The following LRRC8B variants were observed in gnomAD, a reference collection of about 807,000 sequenced individuals.
LRRC8B encodes the protein leucine rich repeat containing 8 VRAC subunit B, also known as volume-regulated anion channel subunit LRRC8B.
In LRRC8B, 23 loss-of-function variants were observed where a neutral mutation model predicts 58.8. The ratio of observed to expected loss-of-function variants is 0.39; its 90% CI spans 0.28 to 0.55. LRRC8B has a LOEUF of 0.55. LRRC8B is among the 20% of genes least tolerant of loss of function. The pLI, the probability that LRRC8B is intolerant of heterozygous loss-of-function variation, is 0.62. For missense variants in LRRC8B, 694 were observed against 936.0 expected (o/e 0.74, Z 3.37); for synonymous variants, 359 against 374.1 (o/e 0.96, Z 0.47).
At chr1:89,587,025 G>T (rs1379785861) in intron 5 of LRRC8B, among the ~76,000 whole-genome samples, 2 of 152,154 alleles carry the variant, frequency 1.3e-5, no homozygotes, top group Non-Finnish European at 2.9e-5. Flanking sequence ...AACAAAACTT[G>T]CTGGGAATAG....
Position 89,593,070 on chromosome 1 carries a change from A to C in LRRC8B, c.*27A>C. 6.2e-7 allele frequency: 1 copy of C among 1,602,978 alleles called. No individual in the cohort carries two copies. The highest frequency in any genetic ancestry group is 8.5e-7 in the Non-Finnish European group (1 of 1,172,530). On this transcript the variant is annotated 3_prime_UTR_variant, in exon 6 of 6. Transcript: ENST00000330947. ...TTAAAGAAAAGAGACCCGTGTTTCA[A>C]AATCATTTTTAAAAGTATGCTCGGC...
chr1:89,579,747 A>G (rs1326856987), intron 4 of LRRC8B, 59 bp downstream of exon 4: 3 of 152,600 alleles, frequency 2.0e-5, no homozygotes, highest in East Asian at 1.9e-4. Flanking sequence ...TTTTTATTGA[A>G]TAAATATTCA....
chr1:89,572,941 A>G (rs966154593), intron 3 of LRRC8B, among the ~76,000 whole-genome samples: 6 of 152,350 alleles, frequency 3.9e-5, no homozygotes, highest in Admixed American at 2.6e-4. Context: ...TACATTAAAT[A>G]TATGATGTAT....
chr1:89,549,990 T>A (rs1352874491), intron 1 of LRRC8B: 1 of 152,132 alleles, frequency 6.6e-6, no homozygotes, highest in African/African-American at 2.4e-5. Flanking sequence ...AACTCAGTGT[T>A]TTAAATAACA....
intron 1 of LRRC8B, among the ~76,000 whole-genome samples, chr1:89,529,238 T>C (rs1036031191): frequency 6.6e-6 from 1 of 152,206 alleles, no homozygotes; most frequent in African/African-American, 2.4e-5. Flanking sequence ...AATTGTCTAG[T>C]TTCCCTGCTA....
In LRRC8B at chr1:89,555,183, T is replaced by C. The variant is rs551753011; in HGVS notation, c.-240-13064T>C. On this transcript the variant is annotated intron_variant, in intron 1 of 5. Transcript: ENST00000330947. ...CCTTTTTTGGAATGTAGGCATTCTA[T>C]GTGATTCATATTAGTTATTTGTGCG... 1.4e-4 allele frequency among the ~76,000 whole-genome samples: 21 copies of C among 152,294 alleles called. No individual in the cohort carries two copies. In the East Asian group the frequency reaches 3.9e-3, roughly 28 times the overall value.
Position 89,593,440 on chromosome 1 carries a change from G to A in LRRC8B, c.*397G>A, listed in dbSNP as rs557450805. The A allele has an allele frequency of 6.2e-6, 1 of 160,402 alleles. No individual in the cohort carries two copies. Among genetic ancestry groups the A allele is most frequent in the African/African-American group, 2.4e-5 (1 of 41,148 alleles). 9.9% of individuals were successfully genotyped at this position (160,402 alleles called of 1,614,324 possible). A position where few individuals can be genotyped will look rare whatever the true frequency, so the allele number is the denominator to read the frequency against. On this transcript the variant is annotated 3_prime_UTR_variant, in exon 6 of 6. Transcript: ENST00000330947. ...AAGTAAAATTTTCTAAGTTAATAAA[G>A]ATGAAGAATGGGTGACTATTATGAT...
intron 1 of LRRC8B, chr1:89,559,109 C>T (rs1652412653): frequency 6.6e-6 from 1 of 152,094 alleles, no homozygotes; most frequent in East Asian, 1.9e-4. Flanking sequence ...TTCCACACAT[C>T]TCGGTATATA....
chr1:89,560,095 T>A (rs1028079063), intron 1 of LRRC8B, among the ~76,000 whole-genome samples: 1 of 152,218 alleles, frequency 6.6e-6, no homozygotes, highest in African/African-American at 2.4e-5. Context: ...TAAGGAAAAT[T>A]AGATTACGTG....
chr1:89,529,208 C>T (rs1182735408), intron 1 of LRRC8B, among the ~76,000 whole-genome samples: 1 of 152,048 alleles, frequency 6.6e-6, no homozygotes, highest in Non-Finnish European at 1.5e-5. Context: ...GTTTATATTC[C>T]TCCTTACTTC....
At chr1:89,574,578 C>A (rs951902874) in intron 3 of LRRC8B, among the ~76,000 whole-genome samples, 1 of 152,090 alleles carries the variant, frequency 6.6e-6, no homozygotes, top group Non-Finnish European at 1.5e-5. Context: ...CTGAGTGACC[C>A]CTTTAACTCC....
intron 1 of LRRC8B, among the ~76,000 whole-genome samples, chr1:89,530,858 C>T (rs1650075160): frequency 2.0e-5 from 3 of 152,036 alleles, no homozygotes; most frequent in Non-Finnish European, 2.9e-5. Flanking sequence ...TGGGAGGTGC[C>T]GTTTCTCCTT....
chr1:89,557,412 G>C (rs4658280), intron 1 of LRRC8B, among the ~76,000 whole-genome samples: 64,203 of 151,936 alleles, frequency 0.42, 14,410 homozygotes, highest in South Asian at 0.55. Context: ...AAAGAATTAG[G>C]TTTCTTTATA....
At chr1:89,572,118 A>G (rs1306810303) in intron 3 of LRRC8B, among the ~76,000 whole-genome samples, 1 of 152,174 alleles carries the variant, frequency 6.6e-6, no homozygotes, top group Admixed American at 6.5e-5. Flanking sequence ...TTGGCCAGAT[A>G]TGAAATTCTG....
At chr1:89,575,160 G>A (rs1393940502) in intron 3 of LRRC8B, among the ~76,000 whole-genome samples, 1 of 152,174 alleles carries the variant, frequency 6.6e-6, no homozygotes, top group Non-Finnish European at 1.5e-5. Flanking sequence ...GGTGGACTAA[G>A]CATGGCTGCA....
chr1:89,534,643 T>A (rs913033349), intron 1 of LRRC8B, among the ~76,000 whole-genome samples: 1 of 152,234 alleles, frequency 6.6e-6, no homozygotes, highest in African/African-American at 2.4e-5. Flanking sequence ...AGTACACGAT[T>A]GACCAGAACA....
At chr1:89,545,594 T>C (rs1052726423) in intron 1 of LRRC8B, among the ~76,000 whole-genome samples, 1 of 152,228 alleles carries the variant, frequency 6.6e-6, no homozygotes, top group Non-Finnish European at 1.5e-5. Flanking sequence ...GTGTCAAATT[T>C]TAATAAACTC....
In LRRC8B at chr1:89,586,213, G is replaced by A. The variant is rs149019991; in HGVS notation, c.2139+1424G>A. 2.6e-3 allele frequency among the ~76,000 whole-genome samples: 389 copies of A among 152,308 alleles called. 4 individuals are homozygous for A. The highest frequency in any genetic ancestry group is 8.8e-3 in the African/African-American group (364 of 41,570). On this transcript the variant is annotated intron_variant, in intron 5 of 5. Coordinates refer to ENST00000330947, the MANE Select transcript of LRRC8B (RefSeq NM_001369817.2). ...GGGTTTCCGATTCAGTAGGCCAGACGTAGGACCCAAGAGTTTGCATTTCTA... is the reference window on the plus strand; with the variant it reads ...GGGTTTCCGATTCAGTAGGCCAGACATAGGACCCAAGAGTTTGCATTTCTA...
In LRRC8B at chr1:89,593,377, CA is replaced by C. The variant is rs200997401; in HGVS notation, c.*350del. ...GGGTGACAGAGCAAGACTCTTATCT[CA>C]AAAAAAAAAAAAAAATGCTCCAGGG... On this transcript the variant is annotated 3_prime_UTR_variant, in exon 6 of 6. Transcript: ENST00000330947. 59,270 of 135,324 alleles carry C rather than the reference CA, an allele frequency of 0.44. 11,151 individuals carry two copies. Among genetic ancestry groups the C allele is most frequent in the East Asian group, 0.6 (2,938 of 4,922 alleles). The allele number at this position is 135,324 out of a possible 1,614,324, so 8.4% of individuals were successfully genotyped here.
Sources: gnomAD v4.1 joint callset for allele counts (sites outside exome capture counted in the v4.1 genomes callset) on GRCh38, gnomAD v4.1.1 for gene constraint, MANE v1.5 for transcripts, NCBI Gene and HGNC (gene_info 2026-07-23, HGNC 2026-07-21) for gene names.